Variants in LRRC9 observed in about 807,000 individuals in gnomAD.
LRRC9 encodes the protein leucine-rich repeat-containing protein 9.
A neutral mutation model predicts 63.2 loss-of-function variants in LRRC9; 122 were observed. That is an observed-to-expected ratio of 1.93 (90% CI 1.67 to 2.24). The LOEUF is 2.24. Among genes scored for constraint, LRRC9 ranks in the 30% most tolerant of loss-of-function variants. The pLI is 0.00. For synonymous variants in LRRC9, 366 were observed against 213.1 expected (o/e 1.72, Z -6.25); for missense variants, 1,071 against 627.7 (o/e 1.71, Z -7.55).
chr14:60,023,037 GAAACC>G (rs1335434992), intron 27 of LRRC9, among the ~76,000 whole-genome samples, 167 bp downstream of exon 27: 15 of 151,434 alleles, frequency 9.9e-5, no homozygotes, highest in Non-Finnish European at 5.9e-5. Flanking sequence ...ACATTTTTTA[GAAACC>G]ATTTTTAAAG....
At position 59,938,573 on chromosome 14, in the gene LRRC9, G is replaced by GT. The variant is rs1881301515; in HGVS notation, c.726+2dup. 3 of 690,866 alleles carry GT rather than the reference G, an allele frequency of 4.3e-6. No homozygotes were observed. The African/African-American group carries it at 5.3e-5, about 12-fold the overall frequency. The allele number at this position is 690,866 out of a possible 1,614,324, so 42.8% of individuals were successfully genotyped here. A position where few individuals can be genotyped will look rare whatever the true frequency, so the allele number is the denominator to read the frequency against. ...AAAGCAAATCAAGGAACTGGCAGAT[G>GT]TAAGTACATCCCTAATCAGGCATCT... On this transcript the variant is annotated splice_donor_variant, in intron 7 of 31. Coordinates refer to ENST00000445360, the Ensembl canonical transcript of LRRC9. LOFTEE classifies it high-confidence loss of function. The surrounding 1 kb of genome is among the most constrained non-coding windows in gnomAD (Gnocchi z 4.2).
rs913076466 is a variant in LRRC9 at position 60,027,872 on chromosome 14, A to C, written c.3704-12A>C. The stretch of plus-strand genomic sequence containing the variant: ...GGGCTCACTTGATATATCATGACTT[A>C]TCTCTTTTTAGGTAATGAAATCAGC... On this transcript the variant is annotated splice_polypyrimidine_tract_variant and intron_variant, in intron 27 of 31. Coordinates refer to ENST00000445360, the Ensembl canonical transcript of LRRC9. The surrounding 1 kb of genome is among the most constrained non-coding windows in gnomAD (Gnocchi z 4.0). 9 of 691,390 alleles carry C rather than the reference A, an allele frequency of 1.3e-5. No homozygotes were observed. The highest frequency in any genetic ancestry group is 2.1e-5 in the Non-Finnish European group (8 of 379,650). 42.8% of individuals were successfully genotyped at this position (691,390 alleles called of 1,614,324 possible).
At chr14:60,016,902 T>A (rs1890733282) in intron 24 of LRRC9, 112 bp downstream of exon 24, 2 of 523,370 alleles carry the variant, frequency 3.8e-6, no homozygotes, top group East Asian at 5.8e-5. Flanking sequence ...CAATAATTCA[T>A]AAAATTATCT....
chr14:59,951,965 C>T (rs990325893), intron 8 of LRRC9, among the ~76,000 whole-genome samples: 10 of 151,880 alleles, frequency 6.6e-5, no homozygotes, highest in South Asian at 2.1e-4. Flanking sequence ...TTGTCTGTGC[C>T]CTGCCCCCAG....
chr14:59,980,053 A>G (rs144795141), intron 15 of LRRC9, among the ~76,000 whole-genome samples: 34 of 152,226 alleles, frequency 2.2e-4, no homozygotes, highest in African/African-American at 7.5e-4. Context: ...CTCTCTCTCA[A>G]TCTTATCCTG....
intron 12 of LRRC9, among the ~76,000 whole-genome samples, chr14:59,974,160 A>G (rs1885846645): frequency 6.6e-6 from 1 of 152,132 alleles, no homozygotes; most frequent in South Asian, 2.1e-4. Context: ...TTGTTTCTAG[A>G]AAACAATGTA....
downstream of LRRC9, among the ~76,000 whole-genome samples, chr14:60,064,985 C>T (rs1453882639): frequency 3.3e-5 from 5 of 152,234 alleles, no homozygotes; most frequent in East Asian, 7.7e-4. Flanking sequence ...TTTCTTTTAG[C>T]CATTTTTCCT....
In LRRC9 at chr14:59,938,579, A is replaced by G. The variant is rs1269963815; in HGVS notation, c.726+7A>G. ...AATCAAGGAACTGGCAGATGTAAGT[A>G]CATCCCTAATCAGGCATCTGTGATT... On this transcript the variant is annotated splice_region_variant and intron_variant, in intron 7 of 31. Transcript: ENST00000445360. The surrounding 1 kb of genome is among the most constrained non-coding windows in gnomAD (Gnocchi z 4.2). The G allele has an allele frequency of 1.5e-6, 1 of 687,680 alleles. No homozygotes were observed. Among genetic ancestry groups the G allele is most frequent in the Non-Finnish European group, 2.6e-6 (1 of 378,558 alleles). 42.6% of individuals were successfully genotyped at this position (687,680 alleles called of 1,614,324 possible).
chr14:60,014,897 T>C (rs534051415), intron 23 of LRRC9, among the ~76,000 whole-genome samples: 2 of 152,138 alleles, frequency 1.3e-5, no homozygotes, highest in Non-Finnish European at 2.9e-5. Context: ...CCAGTGATAC[T>C]AATATTAAAT....
chr14:60,008,107 G>A (rs770126754), exon 23 of LRRC9: 4 of 694,964 alleles, frequency 5.8e-6, no homozygotes, highest in African/African-American at 1.8e-5. Flanking sequence ...ATGCAACTTG[G>A]TCATTCTAGA....
rs116438081 is a variant in LRRC9 at position 60,001,972 on chromosome 14, C to T, written c.2536C>T (p.Leu846Phe). 4.1e-4 allele frequency: 277 copies of T among 679,386 alleles called. 1 individual carries two copies. In the African/African-American group the frequency reaches 4.6e-3, roughly 11 times the overall value. 42.1% of individuals were successfully genotyped at this position (679,386 alleles called of 1,614,324 possible). The change falls in exon 20 of 32, where the codon CTC becomes TTC. Residue 846 changes from leucine to phenylalanine, a missense_variant. Leu to Phe is a conservative substitution (Grantham distance 22). Coordinates refer to ENST00000445360, the Ensembl canonical transcript of LRRC9. Reference sequence around the variant, plus strand: ...ATTTTTTAAATTTTATTAGTTATCTCTCTTACGGCATTCTAGTACTAAAGA... The same window carrying T: ...ATTTTTTAAATTTTATTAGTTATCTTTCTTACGGCATTCTAGTACTAAAGA...
At chr14:59,959,336 C>T (rs968791043) in intron 8 of LRRC9, among the ~76,000 whole-genome samples, 6 of 152,092 alleles carry the variant, frequency 3.9e-5, no homozygotes, top group African/African-American at 1.4e-4. Context: ...AATGTGCACC[C>T]CTATATATAT....
rs923634592 is a variant in LRRC9 at position 59,938,868 on chromosome 14, C to T, written c.726+296C>T. ...ATCAGTGTTAAAAATAGACTAGTGC[C>T]ATATATATATACACACATATATACA... On this transcript the variant is annotated intron_variant, in intron 7 of 31. Coordinates refer to ENST00000445360, the Ensembl canonical transcript of LRRC9. This position sits in a 1 kb window ranked among gnomAD's most constrained non-coding sequence, Gnocchi z 4.2. Among the ~76,000 whole-genome samples the T allele has an allele frequency of 1.4e-5, 2 of 147,306 alleles. No individual in the cohort carries two copies. The highest frequency in any genetic ancestry group is 3.0e-5 in the Non-Finnish European group (2 of 67,102).
At chr14:59,926,335 T>C (rs1004121534) in intron 1 of LRRC9, among the ~76,000 whole-genome samples, 1 of 152,202 alleles carries the variant, frequency 6.6e-6, no homozygotes, top group East Asian at 1.9e-4. Flanking sequence ...GGAGGGAAGA[T>C]AGGTAAATAC....
chr14:59,936,854 C>T lies in LRRC9; in HGVS notation c.544-1536C>T, dbSNP rs1389041090. ...ACTCTTGCTTCCAGCAACCTGACTT[C>T]ACTATTCCCTTTTCCATTCCATTTT... On this transcript the variant is annotated intron_variant, in intron 6 of 31. Coordinates refer to ENST00000445360, the Ensembl canonical transcript of LRRC9. This position sits in a 1 kb window ranked among gnomAD's most constrained non-coding sequence, Gnocchi z 4.2. 2.6e-5 allele frequency among the ~76,000 whole-genome samples: 4 copies of T among 152,164 alleles called. No individual in the cohort carries two copies. The highest frequency in any genetic ancestry group is 6.5e-5 in the Admixed American group (1 of 15,270).
At chr14:59,945,146 T>TAA (rs749726140) in intron 8 of LRRC9, among the ~76,000 whole-genome samples, 7 of 136,822 alleles carry the variant, frequency 5.1e-5, no homozygotes, top group Admixed American at 2.2e-4. Flanking sequence ...TTTAAAGTGC[T>TAA]AAAAAAAAAA....
At chr14:59,975,790 G>T (rs549796066) in intron 13 of LRRC9, among the ~76,000 whole-genome samples, 1 of 152,276 alleles carries the variant, frequency 6.6e-6, no homozygotes, top group Non-Finnish European at 1.5e-5. Flanking sequence ...AATAGATCAG[G>T]TCAGGGAGTA....
chr14:60,007,023 A>C (rs1385467751), intron 22 of LRRC9, among the ~76,000 whole-genome samples: 2 of 152,202 alleles, frequency 1.3e-5, no homozygotes, highest in Admixed American at 6.5e-5. Context: ...AATAGGATTT[A>C]CTAAAGGTTT....
At chr14:60,037,478 T>A (rs1892543708) in intron 29 of LRRC9, among the ~76,000 whole-genome samples, 2 of 152,200 alleles carry the variant, frequency 1.3e-5, no homozygotes, top group South Asian at 4.1e-4. Context: ...TGAGATGGTA[T>A]CTCATTGTGG....
Sources: allele counts gnomAD v4.1 joint callset (sites outside exome capture counted in the v4.1 genomes callset), GRCh38; gene constraint gnomAD v4.1.1; non-coding constraint Gnocchi (gnomAD v3.1); transcripts MANE v1.5; gene names NCBI Gene and HGNC (gene_info 2026-07-23, HGNC 2026-07-21).